Variants in ZPBP observed in about 807,000 individuals in gnomAD.
ZPBP encodes zona pellucida-binding protein 1.
In ZPBP, 26 loss-of-function variants were observed where a neutral mutation model predicts 44.8. The ratio of observed to expected loss-of-function variants is 0.58; its 90% CI spans 0.43 to 0.81. The LOEUF (loss-of-function observed/expected upper bound fraction) is 0.81, where lower values mean the gene tolerates loss of function less well. Ranked by LOEUF, ZPBP falls within the 30% of genes least tolerant of loss-of-function variation. The pLI, the probability that ZPBP is intolerant of heterozygous loss-of-function variation, is 0.00. For synonymous variants in ZPBP, 174 were observed against 153.2 expected, an observed-to-expected ratio of 1.14 and a Z score of -1.00; for missense variants, 409 against 434.0, an observed-to-expected ratio of 0.94 and a Z score of 0.51.
intron 2 of ZPBP, among the ~76,000 whole-genome samples, chr7:49,853,900 T>C (rs571618808): frequency 2.2e-5 from 3 of 135,672 alleles, no homozygotes; most frequent in African/African-American, 5.5e-5. Context: ...GTGTGTGATG[T>C]TCCCCTTCCT....
chr7:49,995,403 T>A (rs986855529), intron 6 of ZPBP, among the ~76,000 whole-genome samples: 2 of 152,200 alleles, frequency 1.3e-5, no homozygotes, highest in Non-Finnish European at 2.9e-5. Context: ...CAGCTACAGA[T>A]CAGGCACCAG....
chr7:49,899,541 G>A (rs949280630), intron 2 of ZPBP, among the ~76,000 whole-genome samples: 1 of 151,930 alleles, frequency 6.6e-6, no homozygotes, highest in Non-Finnish European at 1.5e-5. Flanking sequence ...ATTTCTGACA[G>A]AGCAGACTTT....
At chr7:50,073,862 G>A (rs931234164) in intron 3 of ZPBP, among the ~76,000 whole-genome samples, 5 of 152,018 alleles carry the variant, frequency 3.3e-5, no homozygotes, top group Non-Finnish European at 7.4e-5. Context: ...AAAAGCTGAG[G>A]GATTTCACCA....
At chr7:49,868,727 C>T (rs540518978) in intron 2 of ZPBP, among the ~76,000 whole-genome samples, 9 of 152,310 alleles carry the variant, frequency 5.9e-5, no homozygotes, top group Non-Finnish European at 1.3e-4. Context: ...AAGTGATTCT[C>T]CTGCCTCAGC....
chr7:50,072,906 G>A (rs539569998), intron 3 of ZPBP, among the ~76,000 whole-genome samples: 3 of 152,042 alleles, frequency 2.0e-5, no homozygotes, highest in Non-Finnish European at 2.9e-5. Flanking sequence ...AACACCCAAG[G>A]GCTTTCAAAT....
intron 6 of ZPBP, among the ~76,000 whole-genome samples, chr7:50,012,829 T>C (rs940676068): frequency 4.0e-5 from 6 of 151,340 alleles, no homozygotes; most frequent in African/African-American, 1.5e-4. Flanking sequence ...TGTACAAAAA[T>C]AAAAATAATG....
intron 2 of ZPBP, among the ~76,000 whole-genome samples, chr7:49,870,316 C>T (rs576581414): frequency 4.6e-5 from 7 of 152,236 alleles, no homozygotes; most frequent in Admixed American, 2.6e-4. Context: ...AGGAGAATGG[C>T]GTGAACCCAG....
intron 7 of ZPBP, among the ~76,000 whole-genome samples, chr7:49,969,816 T>G (rs201682705): frequency 0.022 from 2,991 of 136,126 alleles, 247 homozygotes; most frequent in Admixed American, 0.15. Context: ...TATATATATA[T>G]ATAGAGAGAG....
chr7:49,892,672 C>G (rs909280077), intron 2 of ZPBP, among the ~76,000 whole-genome samples: 1 of 152,232 alleles, frequency 6.6e-6, no homozygotes, highest in South Asian at 2.1e-4. Context: ...TAATACTTGC[C>G]CAGTGAGTTA....
intron 7 of ZPBP, chr7:49,940,666 A>AT (rs1794836983): frequency 1.5e-6 from 1 of 674,984 alleles, no homozygotes; most frequent in South Asian, 6.6e-5. Context: ...AAAAAAAAAA[A>AT]GCTGTGTTTG....
intron 1 of ZPBP, among the ~76,000 whole-genome samples, chr7:49,923,504 T>C (rs1335282346): frequency 2.0e-5 from 3 of 152,236 alleles, no homozygotes; most frequent in African/African-American, 7.2e-5. Flanking sequence ...TATTAAGACC[T>C]AATACTTATT....
intron 1 of ZPBP, chr7:49,918,105 C>T (rs1406811777): frequency 6.6e-6 from 1 of 152,094 alleles, no homozygotes; most frequent in African/African-American, 2.4e-5. Flanking sequence ...AAAAGTTATG[C>T]TAGGTTTCCT....
At chr7:50,050,998 C>A (rs940811507) in intron 4 of ZPBP, among the ~76,000 whole-genome samples, 4 of 151,314 alleles carry the variant, frequency 2.6e-5, no homozygotes, top group South Asian at 2.1e-4. Context: ...AGTGAACAGG[C>A]AATATACAAA....
At chr7:50,073,061 A>G (rs891133526) in intron 3 of ZPBP, among the ~76,000 whole-genome samples, 1 of 152,152 alleles carries the variant, frequency 6.6e-6, no homozygotes, top group African/African-American at 2.4e-5. Flanking sequence ...CTCAACAAAT[A>G]AACTAAATAC....
intron 3 of ZPBP, among the ~76,000 whole-genome samples, chr7:50,060,339 C>CA (rs1801182499): frequency 6.6e-6 from 1 of 151,612 alleles, no homozygotes; most frequent in Non-Finnish European, 1.5e-5. Context: ...AATGGTGACA[C>CA]AAAAAAACAT....
intron 7 of ZPBP, chr7:49,943,770 A>T: frequency 4.2e-6 from 1 of 240,062 alleles, no homozygotes. Flanking sequence ...CTAGCCAGCA[A>T]CCAGAACTAC....
At chr7:49,973,243 T>C (rs1370103580) in intron 7 of ZPBP, among the ~76,000 whole-genome samples, 1 of 150,846 alleles carries the variant, frequency 6.6e-6, no homozygotes, top group Non-Finnish European at 1.5e-5. Context: ...ACAAATTCAG[T>C]GTCATCAGAC....
In ZPBP at chr7:49,990,832, G is replaced by T. The variant is rs141746135; in HGVS notation, c.784-7313C>A. Reference sequence around the variant, plus strand: ...CAGCTTTAATATATGTTCTAGATTGGTCTAACACACCTAACAAGAAGTCTA... The same window carrying T: ...CAGCTTTAATATATGTTCTAGATTGTTCTAACACACCTAACAAGAAGTCTA... On this transcript the variant is annotated intron_variant, in intron 6 of 7. Coordinates refer to ENST00000046087, the MANE Select transcript of ZPBP (RefSeq NM_007009.3). Among the ~76,000 whole-genome samples the T allele has an allele frequency of 2.9e-3, 439 of 152,146 alleles. 1 individual carries two copies. Among genetic ancestry groups the T allele is most frequent in the African/African-American group, 9.9e-3 (410 of 41,504 alleles).
intron 2 of ZPBP, among the ~76,000 whole-genome samples, chr7:49,887,207 T>C (rs1791941800): frequency 6.6e-6 from 1 of 152,250 alleles, no homozygotes; most frequent in African/African-American, 2.4e-5. Flanking sequence ...ACTGAACAGA[T>C]GCTAGATTTG....
Sources: gnomAD v4.1 joint callset for allele counts (sites outside exome capture counted in the v4.1 genomes callset) on GRCh38, gnomAD v4.1.1 for gene constraint, MANE v1.5 for transcripts, NCBI Gene and HGNC (gene_info 2026-07-23, HGNC 2026-07-21) for gene names.